The following NNT variants were observed in gnomAD, a reference collection of about 807,000 sequenced individuals.
NNT encodes nicotinamide nucleotide transhydrogenase.
NNT carries 50 observed loss-of-function variants against 104.8 expected under a neutral mutation model. That is an observed-to-expected ratio of 0.48 (90% CI 0.38 to 0.60). The LOEUF is 0.60. Ranked by LOEUF, NNT falls within the 20% of genes least tolerant of loss-of-function variation. NNT has a pLI of 0.00. For missense variants in NNT, 1,131 were observed against 1,330.7 expected, an observed-to-expected ratio of 0.85 and a Z score of 2.33; for synonymous variants, 461 against 490.4, an observed-to-expected ratio of 0.94 and a Z score of 0.79.
intron 19 of NNT, among the ~76,000 whole-genome samples, chr5:43,699,504 C>G (rs1742740021): frequency 6.6e-6 from 1 of 152,008 alleles, no homozygotes; most frequent in Non-Finnish European, 1.5e-5. Context: ...CAGGTGCCCA[C>G]CATCATGCCC....
intron 19 of NNT, among the ~76,000 whole-genome samples, chr5:43,696,244 C>G (rs1266319680): frequency 6.6e-6 from 1 of 152,136 alleles, no homozygotes; most frequent in Non-Finnish European, 1.5e-5. Context: ...TTGGCCAAAA[C>G]AAAGGGACTA....
chr5:43,643,450 TAAATG>T (rs781239203), intron 7 of NNT, among the ~76,000 whole-genome samples: 21 of 152,194 alleles, frequency 1.4e-4, no homozygotes, highest in Non-Finnish European at 3.1e-4. Context: ...TGTGAACTAT[TAAATG>T]AGGAGAATGC....
intron 17 of NNT, among the ~76,000 whole-genome samples, chr5:43,671,173 G>A (rs1039178601): frequency 4.6e-5 from 7 of 152,050 alleles, no homozygotes; most frequent in African/African-American, 9.7e-5. Flanking sequence ...GAGCCTATGC[G>A]TGTCTCTGCA....
At chr5:43,671,768 T>C (rs1741107343) in intron 17 of NNT, among the ~76,000 whole-genome samples, 1 of 152,144 alleles carries the variant, frequency 6.6e-6, no homozygotes. Flanking sequence ...TGTCTTGGAG[T>C]TGCTCTTCTT....
rs766180637 is a variant in NNT, at chr5:43,705,417, T to A, written c.*1013T>A. 6.6e-6 allele frequency: 1 copy of A among 152,122 alleles called. No individual in the cohort carries two copies. The highest frequency in any genetic ancestry group is 1.5e-5 in the Non-Finnish European group (1 of 67,972). 9.4% of individuals were successfully genotyped at this position (152,122 alleles called of 1,614,324 possible). The stretch of plus-strand genomic sequence containing the variant: ...TGAGGTCTTATGTAATTGATGACAT[T>A]TGAGAGAAATGGTGGCTTTTTTTAG... On this transcript the variant is annotated 3_prime_UTR_variant, in exon 22 of 22. Transcript: ENST00000344920.
chr5:43,630,400 G>A (rs1015223564), intron 7 of NNT, among the ~76,000 whole-genome samples: 6 of 152,170 alleles, frequency 3.9e-5, no homozygotes, highest in African/African-American at 7.2e-5. Flanking sequence ...CCAGAGAGAT[G>A]ACTGTTATTA....
chr5:43,691,520 A>G (rs1014040639), intron 19 of NNT, among the ~76,000 whole-genome samples: 1 of 152,180 alleles, frequency 6.6e-6, no homozygotes, highest in African/African-American at 2.4e-5. Flanking sequence ...ATTTAGTTTC[A>G]TCATTGGGTT....
chr5:43,636,790 T>A (rs1750950428), intron 7 of NNT, among the ~76,000 whole-genome samples: 1 of 152,198 alleles, frequency 6.6e-6, no homozygotes, highest in Non-Finnish European at 1.5e-5. Flanking sequence ...CTAATTTTGC[T>A]TTTTATTTAT....
At chr5:43,656,857 G>T in intron 16 of NNT, 44 bp downstream of exon 16, 1 of 1,544,764 alleles carries the variant, frequency 6.5e-7, no homozygotes, top group South Asian at 1.2e-5. Flanking sequence ...GTGAAGAACT[G>T]GGAATATTTT....
intron 19 of NNT, among the ~76,000 whole-genome samples, chr5:43,678,078 CT>C (rs1741514902): frequency 1.3e-5 from 2 of 152,052 alleles, no homozygotes; most frequent in Non-Finnish European, 1.5e-5. Flanking sequence ...GAAAATGTTA[CT>C]AAGAAAATCA....
chr5:43,676,046 G>C (rs1741399850), intron 18 of NNT, among the ~76,000 whole-genome samples: 2 of 152,078 alleles, frequency 1.3e-5, no homozygotes, highest in African/African-American at 4.8e-5. Context: ...CTTAATAAAT[G>C]TTGTTTTTTC....
chr5:43,619,164 A>G (rs906035204), intron 5 of NNT, 45 bp downstream of exon 5: 1 of 1,168,992 alleles, frequency 8.6e-7, no homozygotes. Flanking sequence ...CATTGATTAA[A>G]GGAAAGGGTA....
At chr5:43,694,254 A>G (rs1742438766) in intron 19 of NNT, among the ~76,000 whole-genome samples, 1 of 152,096 alleles carries the variant, frequency 6.6e-6, no homozygotes, top group Admixed American at 6.5e-5. Context: ...CTCTTTTCCT[A>G]TTTGGATGCT....
intron 17 of NNT, among the ~76,000 whole-genome samples, chr5:43,672,502 C>T (rs1329767492): frequency 2.6e-5 from 4 of 152,236 alleles, no homozygotes; most frequent in Non-Finnish European, 5.9e-5. Context: ...TTCCTTCTAA[C>T]AGTCAGGACC....
At chr5:43,605,317 C>A (rs577599191) in intron 1 of NNT, among the ~76,000 whole-genome samples, 3 of 150,558 alleles carry the variant, frequency 2.0e-5, no homozygotes, top group Non-Finnish European at 3.0e-5. Context: ...GAGATCGAGA[C>A]CATCCTGGCT....
chr5:43,662,528 C>G (rs1336276938), intron 17 of NNT, among the ~76,000 whole-genome samples: 1 of 152,038 alleles, frequency 6.6e-6, no homozygotes, highest in African/African-American at 2.4e-5. Flanking sequence ...CCGATAGCTG[C>G]CTGAGACCAT....
In NNT at chr5:43,704,357, A is replaced by G; in HGVS notation, c.3214A>G (p.Thr1072Ala). The G allele has an allele frequency of 6.2e-7, 1 of 1,613,784 alleles. No individual in the cohort carries two copies. The highest frequency in any genetic ancestry group is 8.5e-7 in the Non-Finnish European group (1 of 1,179,756). Residue 1072 changes from threonine to alanine, a missense_variant, in exon 22 of 22, where the codon ACA becomes GCA. Thr to Ala is a moderately conservative substitution (Grantham distance 58). Coordinates refer to ENST00000344920, the MANE Select transcript of NNT (RefSeq NM_182977.3). ...TAMLLGDAKK[T>A]CDALQAKVRE... is the part of the protein sequence containing the mutation. ...CATGCTTCTAGGTGATGCCAAGAAA[A>G]CATGTGACGCGCTCCAGGCGAAAGT...
intron 19 of NNT, among the ~76,000 whole-genome samples, chr5:43,697,007 A>G (rs1166545028): frequency 1.3e-5 from 2 of 152,186 alleles, no homozygotes; most frequent in East Asian, 3.9e-4. Flanking sequence ...TTGGGGATTA[A>G]CATTAGGCTC....
chr5:43,644,740 G>A lies in NNT; in HGVS notation c.1228G>A (p.Val410Met). ...SPDKDNFYFD[V>M]KDDFDFGTMG... Reference sequence around the variant, plus strand: ...GGACAAAGATAATTTTTATTTTGATGTGAAAGATGACTTTGACTTTGGTAC... The same window carrying A: ...GGACAAAGATAATTTTTATTTTGATATGAAAGATGACTTTGACTTTGGTAC... Residue 410 changes from valine to methionine, a missense_variant, in exon 9 of 22, where the codon GTG becomes ATG. Val to Met is a conservative substitution (Grantham distance 21, BLOSUM62 1). Transcript: ENST00000344920. 6.2e-7 allele frequency: 1 copy of A among 1,614,170 alleles called. No individual in the cohort carries two copies. The highest frequency in any genetic ancestry group is 8.5e-7 in the Non-Finnish European group (1 of 1,180,012).
Sources: allele counts gnomAD v4.1 joint callset (sites outside exome capture counted in the v4.1 genomes callset), GRCh38; gene constraint gnomAD v4.1.1; transcripts MANE v1.5; gene names NCBI Gene and HGNC (gene_info 2026-07-23, HGNC 2026-07-21).